The following SEMA6D variants were observed in gnomAD, a reference collection of about 807,000 sequenced individuals.
SEMA6D encodes the protein semaphorin-6D.
In SEMA6D, 35 loss-of-function variants were observed where a neutral mutation model predicts 106.6. The observed-to-expected ratio is 0.33, with a 90% CI of 0.25 to 0.44. The LOEUF is 0.44. Ranked by LOEUF, SEMA6D falls within the 20% of genes least tolerant of loss-of-function variation. The pLI is 1.00. For synonymous variants in SEMA6D, 499 were observed against 487.7 expected (o/e 1.02, Z -0.31); for missense variants, 1,185 against 1,345.9 (o/e 0.88, Z 1.87).
intron 1 of SEMA6D, chr15:47,730,986 G>T: frequency 1.6e-6 from 1 of 644,546 alleles, no homozygotes; most frequent in South Asian, 1.8e-5. Context: ...TACCTAAGCA[G>T]TACAATCAAA....
At chr15:47,648,523 G>A (rs1029981046) in intron 4 of SEMA6D, among the ~76,000 whole-genome samples, 4 of 143,534 alleles carry the variant, frequency 2.8e-5, no homozygotes, top group South Asian at 2.1e-4. Flanking sequence ...TAAAGTAGAC[G>A]GTAATCATAC....
At chr15:47,421,427 A>C (rs1306459910) in intron 2 of SEMA6D, among the ~76,000 whole-genome samples, 1 of 152,126 alleles carries the variant, frequency 6.6e-6, no homozygotes, top group Non-Finnish European at 1.5e-5. Flanking sequence ...TGTATTTGAA[A>C]GTGCTCAGCA....
intron 1 of SEMA6D, among the ~76,000 whole-genome samples, chr15:47,737,105 A>C (rs1466528826): frequency 6.6e-6 from 1 of 152,204 alleles, no homozygotes; most frequent in African/African-American, 2.4e-5. Context: ...GGTAAGAAGG[A>C]AAAAGGGAGC....
At chr15:47,376,817 AAATTTGTTACTGAG>A (rs2039466888) in intron 1 of SEMA6D, among the ~76,000 whole-genome samples, 5 of 152,336 alleles carry the variant, frequency 3.3e-5, no homozygotes, top group Admixed American at 3.3e-4. Flanking sequence ...GACCCTTTGT[AAATTTGTTACTGAG>A]AAATTGTTCA....
intron 1 of SEMA6D, among the ~76,000 whole-genome samples, chr15:47,389,054 G>A (rs1595886324): frequency 2.0e-5 from 3 of 152,084 alleles, no homozygotes; most frequent in African/African-American, 7.2e-5. Context: ...AGGTACCTAT[G>A]GTGAACAAAT....
In SEMA6D at chr15:47,590,253, C is replaced by T. The variant is rs1333964330; in HGVS notation, c.-86-10612C>T. Among the ~76,000 whole-genome samples the T allele has an allele frequency of 6.6e-5, 10 of 152,068 alleles. 1 individual carries two copies. Among genetic ancestry groups the T allele is most frequent in the Admixed American group, 6.5e-4 (10 of 15,278 alleles). ...CAGGGACATGGATGAAGCTGGAAACCGTCATTCTCAGAAAACTATCACAAG... is the reference window on the plus strand; with the variant it reads ...CAGGGACATGGATGAAGCTGGAAACTGTCATTCTCAGAAAACTATCACAAG... On this transcript the variant is annotated intron_variant, in intron 3 of 19. Coordinates refer to the SEMA6D transcript ENST00000558014.
At position 47,684,012 on chromosome 15, in the gene SEMA6D, A is replaced by G. The variant is rs533641736; in HGVS notation, c.-54-75733A>G. ...AAAGGATGGATTATGTTTTGTATCAATTGATATGGAGTCATCTTCAAGATG... is the reference window on the plus strand; with the variant it reads ...AAAGGATGGATTATGTTTTGTATCAGTTGATATGGAGTCATCTTCAAGATG... On this transcript the variant is annotated intron_variant, in intron 4 of 19. Transcript: ENST00000558014. 8.8e-4 allele frequency among the ~76,000 whole-genome samples: 134 copies of G among 152,324 alleles called. 2 individuals are homozygous for G. In the South Asian group the frequency reaches 0.026, roughly 30 times the overall value.
At chr15:47,702,869 G>A (rs1290694176) in intron 4 of SEMA6D, among the ~76,000 whole-genome samples, 1 of 152,102 alleles carries the variant, frequency 6.6e-6, no homozygotes, top group Admixed American at 6.5e-5. Context: ...GGAGGGATGA[G>A]TAATCAGAAC....
intron 4 of SEMA6D, among the ~76,000 whole-genome samples, chr15:47,631,750 A>G (rs2077296786): frequency 6.6e-6 from 1 of 151,992 alleles, no homozygotes; most frequent in Non-Finnish European, 1.5e-5. Flanking sequence ...CTCATTTCAG[A>G]CTTCAGATCT....
At chr15:47,425,672 C>CTTTTTTTTTTTTTTTTTTTTT (rs750135945) in intron 2 of SEMA6D, among the ~76,000 whole-genome samples, 1 of 136,632 alleles carries the variant, frequency 7.3e-6, no homozygotes, top group Non-Finnish European at 1.6e-5. Flanking sequence ...AAGATACTTT[C>CTTTTTTTTTTTTTTTTTTTTT]TTTTTTTTTT....
intron 1 of SEMA6D, among the ~76,000 whole-genome samples, chr15:47,395,139 A>T (rs1363515088): frequency 6.6e-6 from 1 of 152,218 alleles, no homozygotes; most frequent in Non-Finnish European, 1.5e-5. Context: ...TGAAATGCAG[A>T]AAACTAAAAA....
intron 3 of SEMA6D, among the ~76,000 whole-genome samples, chr15:47,535,697 A>C (rs1317011829): frequency 6.6e-6 from 1 of 151,914 alleles, no homozygotes; most frequent in Admixed American, 6.6e-5. Context: ...ATAAATTAAG[A>C]CATAGATGAA....
intron 1 of SEMA6D, among the ~76,000 whole-genome samples, chr15:47,301,578 G>C (rs1281914388): frequency 6.6e-6 from 1 of 152,232 alleles, no homozygotes; most frequent in African/African-American, 2.4e-5. Flanking sequence ...GCCTGATTTT[G>C]AGTGTTGCTG....
intron 1 of SEMA6D, among the ~76,000 whole-genome samples, chr15:47,742,006 TAGGAATTTGCC>T (rs2080850641): frequency 6.6e-6 from 1 of 151,992 alleles, no homozygotes; most frequent in South Asian, 2.1e-4. Flanking sequence ...TAAGGATGAC[TAGGAATTTGCC>T]AGTCAGAGGA....
chr15:47,440,038 G>A (rs1296639894), intron 2 of SEMA6D, among the ~76,000 whole-genome samples: 2 of 152,094 alleles, frequency 1.3e-5, no homozygotes, highest in Non-Finnish European at 2.9e-5. Flanking sequence ...AAAGCAAGTG[G>A]CTCGCATGCC....
At chr15:47,487,947 C>T (rs889013723) in intron 3 of SEMA6D, among the ~76,000 whole-genome samples, 2 of 152,126 alleles carry the variant, frequency 1.3e-5, no homozygotes, top group African/African-American at 4.8e-5. Context: ...AGGCAAGAAT[C>T]TATTATCTGT....
At chr15:47,552,553 C>T (rs369505180) in intron 3 of SEMA6D, among the ~76,000 whole-genome samples, 1 of 143,600 alleles carries the variant, frequency 7.0e-6, no homozygotes, top group African/African-American at 2.6e-5. Flanking sequence ...CACACACACA[C>T]ACACATATGG....
chr15:47,563,821 T>C (rs765891339), intron 3 of SEMA6D, among the ~76,000 whole-genome samples: 11 of 152,218 alleles, frequency 7.2e-5, no homozygotes, highest in African/African-American at 2.7e-4. Context: ...AGGTTATGTA[T>C]CATCATAAAC....
At chr15:47,509,276 G>T (rs1264346231) in intron 3 of SEMA6D, among the ~76,000 whole-genome samples, 2 of 150,302 alleles carry the variant, frequency 1.3e-5, no homozygotes, top group African/African-American at 4.9e-5. Context: ...ACCCTACACT[G>T]TGCCCAAACT....
Sources: allele counts gnomAD v4.1 joint callset (sites outside exome capture counted in the v4.1 genomes callset), GRCh38; gene constraint gnomAD v4.1.1; transcripts MANE v1.5; gene names NCBI Gene and HGNC (gene_info 2026-07-23, HGNC 2026-07-21).